XPR1: variants seen among roughly 807,000 people sequenced by gnomAD.
XPR1 encodes xenotropic and polytropic retrovirus receptor 1, also known as solute carrier family 53 member 1.
A neutral mutation model predicts 87.5 loss-of-function variants in XPR1; 28 were observed. The observed-to-expected ratio is 0.32, with a 90% confidence interval of 0.24 to 0.44. The LOEUF is 0.44. Among genes scored for constraint, XPR1 ranks in the 20% least tolerant of loss-of-function variants. The pLI is 1.00. For synonymous variants in XPR1, 300 were observed against 306.1 expected (o/e 0.98, Z 0.21); for missense variants, 559 against 862.3 (o/e 0.65, Z 4.41).
At chr1:180,696,206 G>GTATATATATATATATATATATA (rs1330154532) in intron 2 of XPR1, among the ~76,000 whole-genome samples, 1 of 102,088 alleles carries the variant, frequency 9.8e-6, no homozygotes. Context: ...GTGTGTGTGT[G>GTATATATATATATATATATATA]TGTATATATA....
rs560831545 is a variant in XPR1 at position 180,667,297 on chromosome 1, AT to A, written c.70-15054del. On this transcript the variant is annotated intron_variant, in intron 1 of 14. Coordinates refer to ENST00000367590, the MANE Select transcript of XPR1 (RefSeq NM_004736.4). ...GTAGTTTCTATACCTAGTCTTTTGA[AT>A]TTTTTTTTAATCATGATTTTGTCAA... Among the ~76,000 whole-genome samples, 11 of 151,594 alleles carry A rather than the reference AT, an allele frequency of 7.3e-5. No individual in the cohort carries two copies. The South Asian group carries it at 8.4e-4, about 12-fold the overall frequency.
chr1:180,812,672 G>A (rs1365327756), intron 7 of XPR1, among the ~76,000 whole-genome samples: 10 of 141,136 alleles, frequency 7.1e-5, no homozygotes, highest in East Asian at 2.0e-4. Context: ...TTTTTGACAC[G>A]GGGTCTCACA....
At chr1:180,754,862 T>A (rs545443029) in intron 2 of XPR1, among the ~76,000 whole-genome samples, 1 of 151,468 alleles carries the variant, frequency 6.6e-6, no homozygotes, top group Non-Finnish European at 1.5e-5. Context: ...TCCCCCTCAC[T>A]CCCCTGTGAT....
chr1:180,682,545 A>T, intron 2 of XPR1, 134 bp downstream of exon 2: 1 of 362,820 alleles, frequency 2.8e-6, no homozygotes, highest in Non-Finnish European at 4.7e-6. Flanking sequence ...TTAATAATAT[A>T]TATTATGATT....
chr1:180,720,291 T>C (rs1255405218), intron 2 of XPR1, among the ~76,000 whole-genome samples: 3 of 152,184 alleles, frequency 2.0e-5, no homozygotes, highest in Admixed American at 6.5e-5. Context: ...TGTAATAATA[T>C]ATTGACAAAG....
intron 2 of XPR1, among the ~76,000 whole-genome samples, chr1:180,761,239 G>A (rs939134216): frequency 1.3e-5 from 2 of 152,076 alleles, no homozygotes; most frequent in Non-Finnish European, 2.9e-5. Flanking sequence ...AACACCAAAA[G>A]CAATGGCAAC....
At chr1:180,635,226 A>G (rs1654723700) in intron 1 of XPR1, among the ~76,000 whole-genome samples, 1 of 152,234 alleles carries the variant, frequency 6.6e-6, no homozygotes, top group Non-Finnish European at 1.5e-5. Flanking sequence ...AGTTTGTGCA[A>G]AGAATAAACA....
intron 1 of XPR1, among the ~76,000 whole-genome samples, chr1:180,660,899 TG>T (rs1453886474): frequency 6.6e-6 from 1 of 152,204 alleles, no homozygotes; most frequent in Admixed American, 6.5e-5. Flanking sequence ...GACATTTCTT[TG>T]TTGATTTTCT....
intron 2 of XPR1, among the ~76,000 whole-genome samples, chr1:180,785,421 AT>A: frequency 6.6e-6 from 1 of 152,114 alleles, no homozygotes; most frequent in East Asian, 1.9e-4. Flanking sequence ...GTCTCCCAAA[AT>A]GCTGGGATTA....
chr1:180,643,846 A>T (rs1655030001), intron 1 of XPR1, among the ~76,000 whole-genome samples: 1 of 152,096 alleles, frequency 6.6e-6, no homozygotes, highest in Admixed American at 6.6e-5. Context: ...ATAAATGCTG[A>T]TGGAGTTCAA....
intron 9 of XPR1, among the ~76,000 whole-genome samples, chr1:180,825,971 AC>A (rs1346841538): frequency 1.3e-5 from 2 of 152,056 alleles, no homozygotes; most frequent in African/African-American, 4.8e-5. Flanking sequence ...AATCGCTAGA[AC>A]CCCAGAGGTG....
Position 180,887,653 on chromosome 1 carries a change from G to C in XPR1, c.*3587G>C, listed in dbSNP as rs892028378. On this transcript the variant is annotated 3_prime_UTR_variant, in exon 15 of 15. Transcript: ENST00000367590. ...TAGGCAAGCTGCTTAACTTCCGTCA[G>C]AAGCAAAGGTGTGGGAGAACACCAT... is the stretch of plus-strand genomic sequence containing the variant. 1 of 152,220 alleles carries C rather than the reference G, an allele frequency of 6.6e-6. No homozygotes were observed. 9.4% of individuals were successfully genotyped at this position (152,220 alleles called of 1,614,324 possible).
At chr1:180,689,333 A>G (rs1277745474) in intron 2 of XPR1, among the ~76,000 whole-genome samples, 1 of 152,194 alleles carries the variant, frequency 6.6e-6, no homozygotes, top group African/African-American at 2.4e-5. Context: ...ATATTTGAAT[A>G]TAATTTTAAT....
chr1:180,811,476 C>G lies in XPR1; in HGVS notation c.751C>G (p.Leu251Val). ...AATATTCATTGTACTGAATATTACC[C>G]TTGTGCTTGCCGGTAAGTAGTTTAA... Reference protein sequence around the residue: ...CGIFIVLNITLVLAAVFKLET... With the variant: ...CGIFIVLNITVVLAAVFKLET... Residue 251 changes from leucine to valine, a missense_variant, in exon 7 of 15, where the codon CTT becomes GTT. Leu to Val is a conservative substitution (Grantham distance 32). This residue lies in a region of XPR1 where 39 missense variants were observed against 38.5 expected (regional missense o/e 1.01). Coordinates refer to ENST00000367590, the MANE Select transcript of XPR1 (RefSeq NM_004736.4). The G allele has an allele frequency of 6.2e-7, 1 of 1,611,740 alleles. No homozygotes were observed. Among genetic ancestry groups the G allele is most frequent in the Non-Finnish European group, 8.5e-7 (1 of 1,178,662 alleles).
At chr1:180,821,023 C>G (rs781531586) in intron 7 of XPR1, among the ~76,000 whole-genome samples, 5 of 147,418 alleles carry the variant, frequency 3.4e-5, no homozygotes, top group Non-Finnish European at 7.5e-5. Context: ...TTTTTACTTT[C>G]TTGATAATGT....
At chr1:180,759,294 C>CA (rs1557993536) in intron 2 of XPR1, among the ~76,000 whole-genome samples, 1 of 152,076 alleles carries the variant, frequency 6.6e-6, no homozygotes, top group Admixed American at 6.5e-5. Context: ...AATAGAGACA[C>CA]AAAAAACCCT....
chr1:180,875,190 G>A (rs1571249301), intron 13 of XPR1, among the ~76,000 whole-genome samples: 1 of 152,090 alleles, frequency 6.6e-6, no homozygotes, highest in East Asian at 1.9e-4. Context: ...GATAACCCCA[G>A]GTCAAAATTG....
rs553529797 is a variant in XPR1 at position 180,669,840 on chromosome 1, A to G, written c.70-12520A>G. Among the ~76,000 whole-genome samples, 542 of 152,270 alleles carry G rather than the reference A, an allele frequency of 3.6e-3. 5 individuals carry two copies. The highest frequency in any genetic ancestry group is 6.5e-3 in the Non-Finnish European group (443 of 68,008). On this transcript the variant is annotated intron_variant, in intron 1 of 14. Transcript: ENST00000367590. Reference sequence around the variant, plus strand: ...AAGAGATTAACAATAATAACTAATAATAATATAGAACAGTTACAACAATAT... The same window carrying G: ...AAGAGATTAACAATAATAACTAATAGTAATATAGAACAGTTACAACAATAT...
intron 2 of XPR1, among the ~76,000 whole-genome samples, chr1:180,720,093 A>C (rs1277500157): frequency 1.3e-5 from 2 of 152,176 alleles, no homozygotes; most frequent in Non-Finnish European, 2.9e-5. Context: ...TCTGACAGAA[A>C]GAAGAAAAGC....
Sources: gnomAD v4.1 joint callset for allele counts (sites outside exome capture counted in the v4.1 genomes callset) on GRCh38, gnomAD v4.1.1 for gene constraint, gnomAD v4.1.1 regional missense constraint, MANE v1.5 for transcripts, NCBI Gene and HGNC (gene_info 2026-07-23, HGNC 2026-07-21) for gene names.